TENM3: variants seen among roughly 807,000 people sequenced by gnomAD.
TENM3 encodes teneurin transmembrane protein 3.
Under a neutral mutation model 255.1 loss-of-function variants are expected in TENM3, and 63 were observed. The ratio of observed to expected loss-of-function variants is 0.25; its 90% CI spans 0.20 to 0.30. The LOEUF (loss-of-function observed/expected upper bound fraction) is 0.30. TENM3 is among the 10% of genes least tolerant of loss of function. The pLI is 1.00. For missense variants in TENM3, 2,929 were observed against 3,461.1 expected, an observed-to-expected ratio of 0.85 and a Z score of 3.86; for synonymous variants, 1,306 against 1,322.3, an observed-to-expected ratio of 0.99 and a Z score of 0.27.
the TENM3 span, among the ~76,000 whole-genome samples, chr4:181,650,963 G>T: frequency 6.6e-6 from 1 of 152,176 alleles, no homozygotes; most frequent in Non-Finnish European, 1.5e-5. Flanking sequence ...TAAGTGTTCA[G>T]CTATTTCAGC....
chr4:182,356,609 A>G (rs1765555133), intron 3 of TENM3, among the ~76,000 whole-genome samples: 1 of 152,110 alleles, frequency 6.6e-6, no homozygotes, highest in South Asian at 2.1e-4. Context: ...GGAAAATGAA[A>G]AGCGTCTGAC....
At position 182,754,604 on chromosome 4, in the gene TENM3, A is replaced by G. The variant is rs1297306343; in HGVS notation, c.4237A>G (p.Ser1413Gly). The change falls in exon 22 of 28, where the codon AGT (serine) becomes GGT (glycine). Residue 1413 changes from serine (S) to glycine (G), a missense_variant. By Grantham distance (56) the Ser-to-Gly change is moderately conservative (BLOSUM62 0). This residue lies in a region of TENM3 where 1,608 missense variants were observed against 1,884.4 expected (regional missense o/e 0.85). Coordinates refer to ENST00000511685, the MANE Select transcript of TENM3 (RefSeq NM_001080477.4). The surrounding 1 kb of genome is among the most constrained non-coding windows in gnomAD (Gnocchi z 5.1). ...AGCCACTGCCATTGCTGTGTCCTACAGTGGGGTCCTGTACATTACTGAAAC... is the reference window on the plus strand; with the variant it reads ...AGCCACTGCCATTGCTGTGTCCTACGGTGGGGTCCTGTACATTACTGAAAC... Reference protein sequence around the residue: ...ESATAIAVSYSGVLYITETDE... With the variant: ...ESATAIAVSYGGVLYITETDE... 6.2e-7 allele frequency: 1 copy of G among 1,614,014 alleles called. No individual in the cohort carries two copies. The highest frequency in any genetic ancestry group is 8.5e-7 in the Non-Finnish European group (1 of 1,179,898).
intron 1 of TENM3, among the ~76,000 whole-genome samples, chr4:182,308,457 C>A (rs1219013624): frequency 6.6e-6 from 1 of 152,002 alleles, no homozygotes; most frequent in Non-Finnish European, 1.5e-5. Context: ...GCTAGGCCTA[C>A]AGGTGGTATG....
intron 3 of TENM3, among the ~76,000 whole-genome samples, chr4:182,368,220 G>T (rs1404505221): frequency 6.6e-6 from 1 of 152,134 alleles, no homozygotes; most frequent in Non-Finnish European, 1.5e-5. Context: ...CTTTCCATGG[G>T]AACCTCCTGA....
At chr4:181,801,818 G>T in the TENM3 span, among the ~76,000 whole-genome samples, 2 of 151,566 alleles carry the variant, frequency 1.3e-5, no homozygotes, top group South Asian at 2.1e-4. Flanking sequence ...CTTCCTATTA[G>T]ATTAAAAGGA....
At chr4:182,100,470 C>T in the TENM3 span, among the ~76,000 whole-genome samples, 3 of 140,166 alleles carry the variant, frequency 2.1e-5, no homozygotes, top group African/African-American at 5.2e-5. Flanking sequence ...TATATATACA[C>T]ACACACACAC....
At chr4:182,707,917 G>A (rs542064206) in intron 12 of TENM3, 1 of 152,282 alleles carries the variant, frequency 6.6e-6, no homozygotes, top group African/African-American at 2.4e-5. Context: ...GAACTGCCTG[G>A]TGGCTTTGGA....
intron 3 of TENM3, among the ~76,000 whole-genome samples, chr4:182,369,031 C>T (rs1422839057): frequency 6.6e-6 from 1 of 152,220 alleles, no homozygotes; most frequent in Non-Finnish European, 1.5e-5. Flanking sequence ...TTGCCCTCCC[C>T]CACATTAAAT....
At chr4:181,519,307 T>C in the TENM3 span, among the ~76,000 whole-genome samples, 1 of 152,250 alleles carries the variant, frequency 6.6e-6, no homozygotes, top group Non-Finnish European at 1.5e-5. Flanking sequence ...CTGCGGGATG[T>C]AACTTAATTA....
the TENM3 span, among the ~76,000 whole-genome samples, chr4:181,748,243 G>A: frequency 6.6e-6 from 1 of 151,990 alleles, no homozygotes; most frequent in Non-Finnish European, 1.5e-5. Context: ...TAATATCTTT[G>A]CACTACATAA....
chr4:181,626,914 C>T, the TENM3 span, among the ~76,000 whole-genome samples: 2 of 152,176 alleles, frequency 1.3e-5, no homozygotes, highest in Non-Finnish European at 2.9e-5. Flanking sequence ...CAGAACAGGT[C>T]TATTGTATAG....
At chr4:181,913,152 C>A in the TENM3 span, among the ~76,000 whole-genome samples, 2 of 152,018 alleles carry the variant, frequency 1.3e-5, no homozygotes, top group Admixed American at 6.6e-5. Context: ...GAAGCAGGAA[C>A]CAATGCGGGA....
chr4:181,845,492 T>C, the TENM3 span, among the ~76,000 whole-genome samples: 6 of 152,292 alleles, frequency 3.9e-5, no homozygotes, highest in African/African-American at 1.4e-4. Context: ...AGGAAATATA[T>C]ATTATATCTC....
At chr4:182,024,189 T>A in the TENM3 span, among the ~76,000 whole-genome samples, 1 of 152,222 alleles carries the variant, frequency 6.6e-6, no homozygotes, top group African/African-American at 2.4e-5. Context: ...AAATATTTTT[T>A]CTTAAGAAGC....
chr4:182,017,577 TACAGAC>T, the TENM3 span, among the ~76,000 whole-genome samples: 1 of 152,150 alleles, frequency 6.6e-6, no homozygotes, highest in African/African-American at 2.4e-5. Flanking sequence ...CATTATGAAA[TACAGAC>T]ACACACACAC....
chr4:182,213,849 T>TGC (rs1204576110), intron 1 of TENM3, among the ~76,000 whole-genome samples: 1 of 152,182 alleles, frequency 6.6e-6, no homozygotes, highest in Non-Finnish European at 1.5e-5. Context: ...TCGCCCAGGC[T>TGC]GGAGTGCAGT....
chr4:182,696,960 ATTAC>A, intron 12 of TENM3, among the ~76,000 whole-genome samples: 1 of 109,568 alleles, frequency 9.1e-6, no homozygotes, highest in African/African-American at 3.3e-5. Flanking sequence ...ATCTTGGGAA[ATTAC>A]TTAAGCCCCC....
chr4:181,604,653 C>G, the TENM3 span, among the ~76,000 whole-genome samples: 9 of 152,302 alleles, frequency 5.9e-5, no homozygotes, highest in African/African-American at 2.2e-4. Context: ...GCCTCCTCAG[C>G]TGACATTCTG....
the TENM3 span, among the ~76,000 whole-genome samples, chr4:181,829,065 C>G: frequency 4.1e-4 from 63 of 152,306 alleles, no homozygotes; most frequent in African/African-American, 1.5e-3. Context: ...ATAGGGGAGA[C>G]AGTACTTTAA....
Sources: gnomAD v4.1 joint callset for allele counts (sites outside exome capture counted in the v4.1 genomes callset) on GRCh38, gnomAD v4.1.1 for gene constraint, gnomAD v4.1.1 regional missense constraint, Gnocchi (gnomAD v3.1) non-coding constraint, MANE v1.5 for transcripts, NCBI Gene and HGNC (gene_info 2026-07-23, HGNC 2026-07-21) for gene names.